RNPEP: variants seen among roughly 807,000 people sequenced by gnomAD.
RNPEP encodes the protein arginyl aminopeptidase, also known as aminopeptidase B.
RNPEP carries 57 observed loss-of-function variants against 70.1 expected under a neutral mutation model. The ratio of observed to expected loss-of-function variants is 0.81; its 90% CI spans 0.66 to 1.01. RNPEP has a LOEUF of 1.01. Ranked by LOEUF, RNPEP falls within the 50% of genes least tolerant of loss-of-function variation. RNPEP has a pLI of 0.00. For synonymous variants in RNPEP, 335 were observed against 357.4 expected (o/e 0.94, Z 0.71); for missense variants, 787 against 852.4 (o/e 0.92, Z 0.96).
chr1:202,000,031 C>A lies in RNPEP; in HGVS notation c.1204+16C>A. 1.3e-6 allele frequency: 2 copies of A among 1,573,634 alleles called. No individual in the cohort carries two copies. The highest frequency in any genetic ancestry group is 1.7e-6 in the Non-Finnish European group (2 of 1,145,038). ...ATTGAACCAGGTCCAGGAGGCTCCT[C>A]TGTCTGACACCCACTCCCCTCAATT... is the stretch of plus-strand genomic sequence containing the variant. On this transcript the variant is annotated intron_variant, in intron 6 of 10. Coordinates refer to ENST00000295640, the MANE Select transcript of RNPEP (RefSeq NM_020216.4).
chr1:201,997,670 G>A, intron 5 of RNPEP, 116 bp downstream of exon 5: 1 of 688,710 alleles, frequency 1.5e-6, no homozygotes. Flanking sequence ...CGAGGCAGTA[G>A]TGTGTATCCA....
chr1:201,998,325 G>A (rs12143997), intron 5 of RNPEP, among the ~76,000 whole-genome samples: 52,885 of 145,128 alleles, frequency 0.36, 10,511 homozygotes, highest in Non-Finnish European at 0.45. Context: ...CTCCACCTCC[G>A]TAGTTCAAGC....
intron 4 of RNPEP, 114 bp downstream of exon 4, chr1:201,996,377 C>T: frequency 1.3e-6 from 1 of 770,044 alleles, no homozygotes; most frequent in East Asian, 2.5e-5. Flanking sequence ...TTTCCCTGAT[C>T]CCAGAAGTGA....
At chr1:202,001,828 C>T (rs1314088703) in intron 8 of RNPEP, 61 bp downstream of exon 8, 2 of 1,104,226 alleles carry the variant, frequency 1.8e-6, no homozygotes, top group African/African-American at 1.6e-5. Flanking sequence ...ATCTCATTGA[C>T]ACTCGGAAAG....
At position 201,997,379 on chromosome 1, in the gene RNPEP, G is replaced by C. The variant is rs527770566; in HGVS notation, c.915G>C (p.Leu305=). 1.1e-5 allele frequency: 18 copies of C among 1,614,114 alleles called. No individual in the cohort carries two copies. The South Asian group carries it at 1.6e-4, about 15-fold the overall frequency. The change falls in exon 5 of 11, where the codon CTG becomes CTC. Residue 305 remains leucine (L), a synonymous_variant. Coordinates refer to ENST00000295640, the MANE Select transcript of RNPEP (RefSeq NM_020216.4). ...TTGGAGGAATGGAGAACCCTTGTCT[G>C]ACCTTTGTCACCCCCTGCCTGCTAG... is the stretch of plus-strand genomic sequence containing the variant. ...FPFGGMENPC[L]TFVTPCLLAG...
At position 201,999,928 on chromosome 1, in the gene RNPEP, G is replaced by T. The variant is rs758250000; in HGVS notation, c.1117G>T (p.Ala373Ser). The T allele has an allele frequency of 6.2e-7, 1 of 1,613,682 alleles. No homozygotes were observed. The highest frequency in any genetic ancestry group is 8.5e-7 in the Non-Finnish European group (1 of 1,179,834). ...CGCTGCGTACACCTGCTTGGAGGCT[G>T]CAACGGGGCGGGCTCTGCTGCGTCA... Reference protein sequence around the residue: ...FGAAYTCLEAATGRALLRQHM... With the variant: ...FGAAYTCLEASTGRALLRQHM... Residue 373 changes from alanine to serine, a missense_variant, in exon 6 of 11, where the codon GCA becomes TCA. By Grantham distance (99) the Ala-to-Ser change is moderately conservative (BLOSUM62 1). Coordinates refer to ENST00000295640, the MANE Select transcript of RNPEP (RefSeq NM_020216.4).
At position 202,003,591 on chromosome 1, in the gene RNPEP, C is replaced by T. The variant is rs182609722; in HGVS notation, c.1651+130C>T. On this transcript the variant is annotated intron_variant, in intron 9 of 10. Coordinates refer to ENST00000295640, the MANE Select transcript of RNPEP (RefSeq NM_020216.4). ...ACGTACACTAGGGAGGCTGGCACTCCACAAGGAATGTGCCACCGGGAGGTT... is the reference window on the plus strand; with the variant it reads ...ACGTACACTAGGGAGGCTGGCACTCTACAAGGAATGTGCCACCGGGAGGTT... 3.0e-4 allele frequency: 202 copies of T among 666,264 alleles called. 1 individual carries two copies. Among genetic ancestry groups the T allele is most frequent in the Middle Eastern group, 2.8e-3 (9 of 3,178 alleles). The allele number at this position is 666,264 out of a possible 1,614,324, so 41.3% of individuals were successfully genotyped here.
chr1:201,996,216 A>G lies in RNPEP; in HGVS notation c.807A>G (p.Glu269=). 1 of 1,614,116 alleles carries G rather than the reference A, an allele frequency of 6.2e-7. No individual in the cohort carries two copies. The highest frequency in any genetic ancestry group is 1.1e-5 in the South Asian group (1 of 91,084). ...AKEEYNGVIE[E]FLATGEKLFG... is the part of the protein sequence containing the mutation. ...AGGAGTACAACGGGGTGATAGAAGA[A>G]TTTTTGGCAACAGGAGAGAAGCTTT... The change falls in exon 4 of 11, where the codon GAA becomes GAG. Residue 269 remains glutamate, a synonymous_variant. Coordinates refer to ENST00000295640, the MANE Select transcript of RNPEP (RefSeq NM_020216.4).
At chr1:201,983,166 C>T (rs73074403) in intron 1 of RNPEP, 53 bp downstream of exon 1, 4 of 1,423,082 alleles carry the variant, frequency 2.8e-6, no homozygotes, top group Non-Finnish European at 3.6e-6. Flanking sequence ...TTCCGGCCCC[C>T]AGCCGCCCTG....
Position 202,005,890 on chromosome 1 carries a change from C to G in RNPEP, c.*174C>G, listed in dbSNP as rs1002639912. 2.7e-6 allele frequency: 2 copies of G among 749,416 alleles called. No homozygotes were observed. Among genetic ancestry groups the G allele is most frequent in the Non-Finnish European group, 4.2e-6 (2 of 472,366 alleles). 46.4% of individuals were successfully genotyped at this position (749,416 alleles called of 1,614,324 possible). On this transcript the variant is annotated 3_prime_UTR_variant, in exon 11 of 11. Transcript: ENST00000295640. Reference sequence around the variant, plus strand: ...GGGCCTCTGCTCTGGTGGGAACTTACTTCTCTATAGCCCACTGAGCCCCGA... The same window carrying G: ...GGGCCTCTGCTCTGGTGGGAACTTAGTTCTCTATAGCCCACTGAGCCCCGA...
At position 202,004,437 on chromosome 1, in the gene RNPEP, G is replaced by A. The variant is rs3820439; in HGVS notation, c.1735G>A (p.Val579Ile). The A allele has an allele frequency of 0.3, 478,008 of 1,613,568 alleles. 74,695 individuals are homozygous for A. The highest frequency in any genetic ancestry group is 0.49 in the South Asian group (44,922 of 91,058). The change falls in exon 10 of 11, where the codon GTC (valine) becomes ATC (isoleucine). Residue 579 changes from valine (V) to isoleucine (I), a missense_variant. By Grantham distance (29) the Val-to-Ile change is conservative. Coordinates refer to ENST00000295640, the MANE Select transcript of RNPEP (RefSeq NM_020216.4). ...GCTCCGGCTGCGATGGGGCCAAATC[G>A]TCCTTAAGAACGACCACCAGGAAGA... The part of the protein sequence containing the change: ...AELRLRWGQI[V>I]LKNDHQEDFW...
At chr1:201,996,462 T>A in intron 4 of RNPEP, 199 bp downstream of exon 4, 1 of 563,140 alleles carries the variant, frequency 1.8e-6, no homozygotes, top group East Asian at 3.1e-5. Flanking sequence ...GAGATGAGGT[T>A]CTTTGTGTGT....
Position 201,997,506 on chromosome 1 carries a change from G to T in RNPEP, c.1042G>T (p.Glu348Ter). Residue 348 changes from glutamate (E) to a stop codon, truncating the protein, a stop_gained, in exon 5 of 11, where the codon GAA becomes TAA. Transcript: ENST00000295640. LOFTEE classifies it high-confidence loss of function. ...NANWGEFWLN[E>*]GFTMYAQRRI... Reference sequence around the variant, plus strand: ...CAACTGGGGTGAATTCTGGCTCAATGAAGGTTTCACCATGTACGCCCAGAG... The same window carrying T: ...CAACTGGGGTGAATTCTGGCTCAATTAAGGTTTCACCATGTACGCCCAGAG... The T allele has an allele frequency of 6.2e-7, 1 of 1,614,090 alleles. No homozygotes were observed. The highest frequency in any genetic ancestry group is 8.5e-7 in the Non-Finnish European group (1 of 1,180,022).
At position 201,982,696 on chromosome 1, in the gene RNPEP, C is replaced by T; in HGVS notation, c.30C>T (p.Ser10=). MASGEHSPG[S]GAARRPLHSA... is the part of the protein sequence containing the mutation. Reference sequence around the variant, plus strand: ...CGAGCGGCGAGCATTCCCCCGGCAGCGGCGCGGCCCGGCGGCCGCTGCACT... The same window carrying T: ...CGAGCGGCGAGCATTCCCCCGGCAGTGGCGCGGCCCGGCGGCCGCTGCACT... Residue 10 remains serine (S), a synonymous_variant, in exon 1 of 11, where the codon AGC becomes AGT. Transcript: ENST00000295640. The T allele has an allele frequency of 1.4e-6, 2 of 1,393,354 alleles. No homozygotes were observed. The highest frequency in any genetic ancestry group is 1.6e-5 in the South Asian group (1 of 63,272). 86.3% of individuals were successfully genotyped at this position (1,393,354 alleles called of 1,614,324 possible). A position where few individuals can be genotyped will look rare whatever the true frequency, so the allele number is the denominator to read the frequency against.
intron 6 of RNPEP, chr1:202,000,290 C>T (rs914247055): frequency 3.1e-5 from 10 of 324,010 alleles, no homozygotes; most frequent in African/African-American, 1.5e-4. Context: ...CAGGCTCTTT[C>T]GCATTCCTTC....
intron 3 of RNPEP, among the ~76,000 whole-genome samples, chr1:201,992,934 C>G (rs1683393981): frequency 6.6e-6 from 1 of 152,158 alleles, no homozygotes; most frequent in Admixed American, 6.5e-5. Flanking sequence ...CAAGGTTGTT[C>G]AACAGTCCTC....
intron 1 of RNPEP, 109 bp from the exon 2 acceptor site, chr1:201,988,792 GAAA>G: frequency 7.5e-7 from 1 of 1,324,844 alleles, no homozygotes. Context: ...CTGGCTGGCG[GAAA>G]GGTTTTAAGG....
intron 10 of RNPEP, among the ~76,000 whole-genome samples, chr1:202,005,335 A>G (rs1480577430): frequency 6.6e-6 from 1 of 152,132 alleles, no homozygotes; most frequent in Non-Finnish European, 1.5e-5. Flanking sequence ...CCATGTTAGT[A>G]TGGATTGGGA....
At chr1:201,995,598 G>T (rs74854685) in intron 3 of RNPEP, 8,562 of 152,488 alleles carry the variant, frequency 0.056, 272 homozygotes, top group South Asian at 0.085. Flanking sequence ...GAGATGGAAG[G>T]ATCACTTGAG....
Sources: gnomAD v4.1 joint callset for allele counts (sites outside exome capture counted in the v4.1 genomes callset) on GRCh38, gnomAD v4.1.1 for gene constraint, MANE v1.5 for transcripts, NCBI Gene and HGNC (gene_info 2026-07-23, HGNC 2026-07-21) for gene names.